ARHGAP28: variants seen among roughly 807,000 people sequenced by gnomAD.
The protein encoded by ARHGAP28 is rho GTPase-activating protein 28.
A neutral mutation model predicts 90.7 loss-of-function variants in ARHGAP28; 56 were observed. The observed-to-expected ratio is 0.62, with a 90% CI of 0.50 to 0.77. The LOEUF is 0.77. ARHGAP28 is among the 30% of genes least tolerant of loss of function. ARHGAP28 has a pLI of 0.00. For synonymous variants in ARHGAP28, 308 were observed against 323.3 expected, an observed-to-expected ratio of 0.95 and a Z score of 0.51; for missense variants, 869 against 900.9, an observed-to-expected ratio of 0.96 and a Z score of 0.45.
intron 6 of ARHGAP28, among the ~76,000 whole-genome samples, chr18:6,869,996 T>G (rs1165574973): frequency 1.3e-5 from 2 of 152,202 alleles, no homozygotes; most frequent in African/African-American, 4.8e-5. Context: ...CCCATTCAGC[T>G]TTTTCTCAAT....
intron 14 of ARHGAP28, among the ~76,000 whole-genome samples, chr18:6,893,161 A>G (rs897569657): frequency 6.6e-6 from 1 of 152,146 alleles, no homozygotes; most frequent in Non-Finnish European, 1.5e-5. Context: ...ACACCCCTCT[A>G]GCACCCATCA....
intron 3 of ARHGAP28, among the ~76,000 whole-genome samples, chr18:6,847,067 T>G (rs2056871382): frequency 6.6e-6 from 1 of 152,166 alleles, no homozygotes; most frequent in Admixed American, 6.5e-5. Flanking sequence ...GATTGGCTTT[T>G]GAGTGATTCC....
rs149216514 is a variant in ARHGAP28 at position 6,882,110 on chromosome 18, A to G, written c.1291-27A>G. ...GGGTCAGGTGGTAAAAGTGCATTGA[A>G]TACTGACTGTTTTCCTTGATTTACA... On this transcript the variant is annotated intron_variant, in intron 10 of 17. Coordinates refer to ENST00000383472, the MANE Select transcript of ARHGAP28 (RefSeq NM_001366230.1). The G allele has an allele frequency of 2.2e-4, 357 of 1,599,746 alleles. 1 individual carries two copies. The African/African-American group carries it at 4.3e-3, about 19-fold the overall frequency.
intron 3 of ARHGAP28, among the ~76,000 whole-genome samples, chr18:6,839,616 A>G (rs1035210765): frequency 6.6e-6 from 1 of 152,088 alleles, no homozygotes; most frequent in Non-Finnish European, 1.5e-5. Flanking sequence ...TTAGATTAAG[A>G]GTTAGTGCAA....
intron 1 of ARHGAP28, among the ~76,000 whole-genome samples, chr18:6,782,229 C>T (rs959880669): frequency 2.6e-5 from 4 of 151,942 alleles, no homozygotes; most frequent in African/African-American, 9.7e-5. Context: ...GGTGAGATAA[C>T]CTTGTTTTCT....
Position 6,863,329 on chromosome 18 carries a change from A to T in ARHGAP28, c.726+3432A>T, listed in dbSNP as rs1026667379. ...AAATGATTTTCCAACATCTGTTAAGATGAATGTAATGTTTTCCTTCTTTAA... is the reference window on the plus strand; with the variant it reads ...AAATGATTTTCCAACATCTGTTAAGTTGAATGTAATGTTTTCCTTCTTTAA... On this transcript the variant is annotated intron_variant, in intron 5 of 17. Coordinates refer to ENST00000383472, the MANE Select transcript of ARHGAP28 (RefSeq NM_001366230.1). Among the ~76,000 whole-genome samples, 5 of 151,978 alleles carry T rather than the reference A, an allele frequency of 3.3e-5. No homozygotes were observed. In the South Asian group the frequency reaches 1.0e-3, roughly 32 times the overall value.
chr18:6,868,152 T>C lies in ARHGAP28; in HGVS notation c.729T>C (p.Ala243=). The change falls in exon 6 of 18, where the codon GCT becomes GCC. Residue 243 remains alanine (A), a splice_region_variant and synonymous_variant. Transcript: ENST00000383472. ...GTTCATCTTCCTTTGCTTGGCAGGC[T>C]ATACTTGAGACCATTCCAGTTCTAC... ...SFAVPRSDSV[A]ILETIPVLPV... is the part of the protein sequence containing the mutation. 1 of 1,613,780 alleles carries C rather than the reference T, an allele frequency of 6.2e-7. No individual in the cohort carries two copies. Among genetic ancestry groups the C allele is most frequent in the Middle Eastern group, 1.6e-4 (1 of 6,062 alleles).
intron 1 of ARHGAP28, among the ~76,000 whole-genome samples, chr18:6,791,824 T>A (rs1443996797): frequency 6.6e-6 from 1 of 152,126 alleles, no homozygotes; most frequent in Non-Finnish European, 1.5e-5. Flanking sequence ...TTTTTCTTTT[T>A]TTTTTAATTT....
intron 1 of ARHGAP28, among the ~76,000 whole-genome samples, chr18:6,753,468 C>A (rs1435007916): frequency 6.6e-6 from 1 of 152,108 alleles, no homozygotes; most frequent in Non-Finnish European, 1.5e-5. Flanking sequence ...GTGTGATTCA[C>A]AGAGTTAATG....
chr18:6,887,238 A>T lies in ARHGAP28; in HGVS notation c.1535A>T (p.Gln512Leu). Residue 512 changes from glutamine to leucine, a missense_variant and splice_region_variant, in exon 12 of 18, where the codon CAG becomes CTG. Physicochemically the swap from Gln to Leu is moderately radical, Grantham distance 113. Transcript: ENST00000383472. ...CCTGATGCCAACAGAGATGCAGCTC[A>T]GGTACGTCGTGTCCACCTCACAGCT... The part of the protein sequence containing the change: ...ALPDANRDAA[Q>L]ALMTFFNKVI... The T allele has an allele frequency of 6.2e-7, 1 of 1,613,756 alleles. No individual in the cohort carries two copies. Among genetic ancestry groups the T allele is most frequent in the Non-Finnish European group, 8.5e-7 (1 of 1,179,720 alleles).
At chr18:6,827,650 C>A (rs1160476600) in intron 2 of ARHGAP28, among the ~76,000 whole-genome samples, 1 of 151,436 alleles carries the variant, frequency 6.6e-6, no homozygotes, top group African/African-American at 2.4e-5. Flanking sequence ...GACCCCCCCC[C>A]CACCTCCCTC....
intron 3 of ARHGAP28, among the ~76,000 whole-genome samples, chr18:6,839,990 C>T (rs966490682): frequency 2.0e-5 from 3 of 152,152 alleles, no homozygotes; most frequent in African/African-American, 7.2e-5. Flanking sequence ...CTCAGATGTT[C>T]TGCTGGGTTC....
chr18:6,822,718 A>G (rs2056634580), intron 1 of ARHGAP28, among the ~76,000 whole-genome samples: 2 of 152,216 alleles, frequency 1.3e-5, no homozygotes, highest in Admixed American at 1.3e-4. Context: ...GGTGTCAGTT[A>G]ATGTTCAAAA....
chr18:6,793,023 A>G (rs1338825743), intron 1 of ARHGAP28, among the ~76,000 whole-genome samples: 1 of 152,194 alleles, frequency 6.6e-6, no homozygotes, highest in East Asian at 1.9e-4. Flanking sequence ...ACAACTTATT[A>G]TTCTGCATGA....
intron 1 of ARHGAP28, among the ~76,000 whole-genome samples, chr18:6,783,298 AT>A (rs2056339734): frequency 6.9e-6 from 1 of 144,316 alleles, no homozygotes; most frequent in South Asian, 2.2e-4. Flanking sequence ...TTTTAAGGGT[AT>A]TTACTTTTTT....
chr18:6,873,339 T>C, intron 7 of ARHGAP28, 70 bp from the exon 8 acceptor site: 1 of 1,320,982 alleles, frequency 7.6e-7, no homozygotes. Flanking sequence ...AGTGTCCAGG[T>C]GGCATTTGAG....
At chr18:6,731,993 T>C (rs1320407782) in intron 1 of ARHGAP28, among the ~76,000 whole-genome samples, 2 of 152,158 alleles carry the variant, frequency 1.3e-5, no homozygotes, top group East Asian at 3.9e-4. Context: ...GCGTGGACTT[T>C]TGTATCTGCG....
At chr18:6,841,158 T>TCA (rs1491177700) in intron 3 of ARHGAP28, among the ~76,000 whole-genome samples, 1 of 89,438 alleles carries the variant, frequency 1.1e-5, no homozygotes, top group Non-Finnish European at 2.5e-5. Context: ...CTCTCCTCTT[T>TCA]CTCTCTCTCC....
chr18:6,784,115 A>G (rs949036397), intron 1 of ARHGAP28, among the ~76,000 whole-genome samples: 14 of 152,076 alleles, frequency 9.2e-5, no homozygotes, highest in Non-Finnish European at 1.5e-4. Flanking sequence ...AGTGAAATCC[A>G]TGCAGTTGGA....
Sources: gnomAD v4.1 joint callset for allele counts (sites outside exome capture counted in the v4.1 genomes callset) on GRCh38, gnomAD v4.1.1 for gene constraint, MANE v1.5 for transcripts, NCBI Gene and HGNC (gene_info 2026-07-23, HGNC 2026-07-21) for gene names.